Variants in FAM120C observed in about 807,000 individuals in gnomAD.
FAM120C encodes family with sequence similarity 120 member C, also known as constitutive coactivator of PPAR-gamma-like protein 2.
Under a neutral mutation model 71.2 loss-of-function variants are expected in FAM120C, and 14 were observed. The ratio of observed to expected loss-of-function variants is 0.20; its 90% CI spans 0.13 to 0.31. FAM120C has a LOEUF of 0.31. Among genes scored for constraint, FAM120C ranks in the 10% least tolerant of loss-of-function variants. FAM120C has a pLI of 1.00. For missense variants in FAM120C, 500 were observed against 879.0 expected, an observed-to-expected ratio of 0.57 and a Z score of 5.45; for synonymous variants, 354 against 353.2, an observed-to-expected ratio of 1.00 and a Z score of -0.03.
rs910587523 is a variant in FAM120C, at chrX:54,069,781, T to C, written c.*3252A>G. Reference sequence around the variant, plus strand: ...TCCTACTGGCTCAGAATGAAAATGATGCAAGTGAGCAGAAGTTTGTCAGGC... The same window carrying C: ...TCCTACTGGCTCAGAATGAAAATGACGCAAGTGAGCAGAAGTTTGTCAGGC... On this transcript the variant is annotated 3_prime_UTR_variant, in exon 16 of 16. Transcript: ENST00000375180. 4 of 112,000 alleles carry C rather than the reference T, an allele frequency of 3.6e-5. No homozygotes were observed. Among genetic ancestry groups the C allele is most frequent in the Non-Finnish European group, 7.5e-5 (4 of 53,230 alleles). 9.2% of individuals were successfully genotyped at this position (112,000 alleles called of 1,213,427 possible).
chrX:54,087,715 G>A, intron 12 of FAM120C, 40 bp downstream of exon 12: 5 of 1,154,641 alleles, frequency 4.3e-6, no homozygotes, highest in Non-Finnish European at 5.9e-6. Context: ...ACTCCCACAG[G>A]AGATCAGAGC....
intron 10 of FAM120C, among the ~76,000 whole-genome samples, chrX:54,101,046 G>A (rs1557124072): frequency 9.0e-6 from 1 of 111,628 alleles, no homozygotes; most frequent in East Asian, 2.8e-4. Flanking sequence ...CTCTGGCCCC[G>A]CTACAAGTCT....
intron 15 of FAM120C, among the ~76,000 whole-genome samples, chrX:54,074,197 G>C (rs1398539450): frequency 2.7e-5 from 3 of 111,358 alleles, no homozygotes; most frequent in African/African-American, 9.8e-5. Context: ...TGGTAGATAT[G>C]ATCATGCCCC....
At chrX:54,113,330 T>G (rs782642951) in intron 10 of FAM120C, among the ~76,000 whole-genome samples, 7 of 101,045 alleles carry the variant, frequency 6.9e-5, no homozygotes, top group African/African-American at 2.5e-4. Context: ...CGTGGTGGCG[T>G]GCACCTGTAA....
At chrX:54,112,750 A>G (rs1454129508) in intron 10 of FAM120C, among the ~76,000 whole-genome samples, 1 of 109,041 alleles carries the variant, frequency 9.2e-6, no homozygotes, top group Non-Finnish European at 1.9e-5. Context: ...CTGAGGCAGG[A>G]GAATGGTGTG....
chrX:54,159,759 T>TA, intron 1 of FAM120C, 143 bp from the exon 2 acceptor site: 22 of 601,143 alleles, frequency 3.7e-5, no homozygotes, highest in Non-Finnish European at 4.8e-5. Flanking sequence ...TAACATTTTT[T>TA]ACTTTTTTTT....
chrX:54,129,703 A>G (rs1317272855), intron 9 of FAM120C, among the ~76,000 whole-genome samples: 2 of 112,063 alleles, frequency 1.8e-5, no homozygotes, highest in Non-Finnish European at 3.8e-5. Context: ...AGCCAAGATC[A>G]CGCCACTGCA....
chrX:54,139,471 C>A (rs1557131268), intron 4 of FAM120C, among the ~76,000 whole-genome samples: 1 of 108,215 alleles, frequency 9.2e-6, no homozygotes, highest in African/African-American at 3.4e-5. Flanking sequence ...TCCCGAGTAG[C>A]TGGGACTACA....
At chrX:54,125,648 A>G (rs2067023569) in intron 9 of FAM120C, among the ~76,000 whole-genome samples, 1 of 112,923 alleles carries the variant, frequency 8.9e-6, no homozygotes, top group South Asian at 3.6e-4. Context: ...TCTTACAATC[A>G]GGTTCAGCAA....
At chrX:54,088,081 GTAGACATCT>G in intron 11 of FAM120C, 117 bp from the exon 12 acceptor site, 1 of 598,058 alleles carries the variant, frequency 1.7e-6, no homozygotes, top group Admixed American at 3.3e-5. Flanking sequence ...GTCATTCAAT[GTAGACATCT>G]CAGTGCATAA....
In FAM120C at chrX:54,133,908, C is replaced by G. The variant is rs782137199; in HGVS notation, c.1755G>C (p.Leu585=). ...GDGEPHIPSL[L]SMSTRNHMDI... ...CCATGTGGTTCCTTGTAGACATAGA[C>G]AGCAGAGATGGGATGTGGGGCTCAC... is the stretch of plus-strand genomic sequence containing the variant. The change falls in exon 8 of 16, where the codon CTG becomes CTC. Residue 585 remains leucine (L), a synonymous_variant. Coordinates refer to ENST00000375180, the MANE Select transcript of FAM120C (RefSeq NM_017848.6). 1 of 1,211,712 alleles carries G rather than the reference C, an allele frequency of 8.3e-7. No individual in the cohort carries two copies. Among genetic ancestry groups the G allele is most frequent in the South Asian group, 1.8e-5 (1 of 56,962 alleles).
At chrX:54,170,904 G>C (rs148907141) in intron 1 of FAM120C, among the ~76,000 whole-genome samples, 135 of 111,765 alleles carry the variant, frequency 1.2e-3, no homozygotes, top group African/African-American at 4.3e-3. Context: ...TGAGAAGTCA[G>C]AGGTATCATG....
intron 10 of FAM120C, among the ~76,000 whole-genome samples, chrX:54,093,813 G>A (rs2066835555): frequency 9.0e-6 from 1 of 111,636 alleles, no homozygotes; most frequent in African/African-American, 3.2e-5. Flanking sequence ...ATTTTCCCCA[G>A]AAAATAACAG....
intron 1 of FAM120C, among the ~76,000 whole-genome samples, chrX:54,166,039 A>C: frequency 9.0e-6 from 1 of 111,061 alleles, no homozygotes; most frequent in Non-Finnish European, 1.9e-5. Context: ...ATCTGCAAAA[A>C]AATTTGCAAC....
chrX:54,090,952 T>C (rs1338432319), intron 11 of FAM120C, among the ~76,000 whole-genome samples: 1 of 111,491 alleles, frequency 9.0e-6, no homozygotes, highest in Admixed American at 9.6e-5. Context: ...TTCTACTTAA[T>C]ACTCAATACA....
At chrX:54,144,649 C>T (rs1159127664) in intron 4 of FAM120C, among the ~76,000 whole-genome samples, 1 of 111,758 alleles carries the variant, frequency 8.9e-6, no homozygotes, top group African/African-American at 3.3e-5. Flanking sequence ...CAAACCACTG[C>T]TCAATGAAAT....
At chrX:54,127,622 GT>G (rs1244801083) in intron 9 of FAM120C, among the ~76,000 whole-genome samples, 3 of 104,379 alleles carry the variant, frequency 2.9e-5, no homozygotes, top group Non-Finnish European at 5.9e-5. Context: ...ATCTTATTCT[GT>G]TACCCAGGCT....
chrX:54,136,977 G>C (rs1326705289), intron 4 of FAM120C, among the ~76,000 whole-genome samples: 1 of 108,872 alleles, frequency 9.2e-6, no homozygotes, highest in Non-Finnish European at 1.9e-5. Flanking sequence ...ATTTGAGACA[G>C]AGTCTCGCTC....
chrX:54,132,948 G>T, intron 8 of FAM120C, 85 bp from the exon 9 acceptor site: 1 of 766,758 alleles, frequency 1.3e-6, no homozygotes, highest in Admixed American at 4.1e-5. Context: ...ATAATAAACT[G>T]TAGCCTCTGT....
Sources: allele counts gnomAD v4.1 joint callset (sites outside exome capture counted in the v4.1 genomes callset), GRCh38; gene constraint gnomAD v4.1.1; transcripts MANE v1.5; gene names NCBI Gene and HGNC (gene_info 2026-07-23, HGNC 2026-07-21).